The following LYRM4 variants were observed in gnomAD, a reference collection of about 807,000 sequenced individuals.
LYRM4 encodes LYR motif containing 4.
A neutral mutation model predicts 11.7 loss-of-function variants in LYRM4; 9 were observed. That is an observed-to-expected ratio of 0.77 (90% CI 0.46 to 1.34). LYRM4 has a LOEUF of 1.34. Ranked by LOEUF, LYRM4 falls within the 40% of genes most tolerant of loss-of-function variation. LYRM4 has a pLI of 0.00. For synonymous variants in LYRM4, 42 were observed against 40.4 expected (o/e 1.04, Z -0.15); for missense variants, 133 against 112.5 (o/e 1.18, Z -0.82).
intron 2 of LYRM4, among the ~76,000 whole-genome samples, chr6:5,134,325 G>C (rs1764090194): frequency 6.6e-6 from 1 of 152,120 alleles, no homozygotes; most frequent in African/African-American, 2.4e-5. Flanking sequence ...CAAAAGAACT[G>C]ACTTCTTCAG....
chr6:5,256,899 C>G (rs1764703554), intron 1 of LYRM4, among the ~76,000 whole-genome samples: 1 of 152,200 alleles, frequency 6.6e-6, no homozygotes, highest in Non-Finnish European at 1.5e-5. Context: ...CCATTCTAGA[C>G]TCTGCTTGGA....
At chr6:5,159,742 G>A (rs1013326418) in intron 2 of LYRM4, among the ~76,000 whole-genome samples, 4 of 152,106 alleles carry the variant, frequency 2.6e-5, no homozygotes, top group Non-Finnish European at 5.9e-5. Flanking sequence ...CACATTCTGG[G>A]AAGTTTTATG....
Position 5,195,247 on chromosome 6 carries a change from T to G in LYRM4, c.207+21371A>C, listed in dbSNP as rs989353324. On this transcript the variant is annotated intron_variant, in intron 2 of 2. Coordinates refer to ENST00000330636, the MANE Select transcript of LYRM4 (RefSeq NM_020408.6). Reference sequence around the variant, plus strand: ...TTTTAAAGTAAAGCAATGTACATATTGATGTTATTATCATTGGTTGCATTT... The same window carrying G: ...TTTTAAAGTAAAGCAATGTACATATGGATGTTATTATCATTGGTTGCATTT... Among the ~76,000 whole-genome samples the G allele has an allele frequency of 4.6e-5, 7 of 152,168 alleles. 1 individual carries two copies. Among genetic ancestry groups the G allele is most frequent in the Admixed American group, 2.0e-4 (3 of 15,286 alleles).
chr6:5,121,286 T>C (rs1763444450), intron 2 of LYRM4, among the ~76,000 whole-genome samples: 1 of 152,218 alleles, frequency 6.6e-6, no homozygotes, highest in Non-Finnish European at 1.5e-5. Context: ...GCTACACTGC[T>C]AGCTGAAGGC....
chr6:5,102,396 C>T (rs142237875), downstream of LYRM4, among the ~76,000 whole-genome samples: 192 of 152,250 alleles, frequency 1.3e-3, 1 homozygote, highest in African/African-American at 4.5e-3. Flanking sequence ...AAATGAAATG[C>T]TCCTTTAAGA....
chr6:5,172,120 C>T (rs992474473), intron 2 of LYRM4, among the ~76,000 whole-genome samples: 1 of 152,134 alleles, frequency 6.6e-6, no homozygotes, highest in African/African-American at 2.4e-5. Flanking sequence ...TTCAGGAACC[C>T]TTCACCATCC....
intron 2 of LYRM4, among the ~76,000 whole-genome samples, chr6:5,165,565 C>T (rs1759033492): frequency 6.7e-6 from 1 of 149,400 alleles, no homozygotes; most frequent in African/African-American, 2.5e-5. Flanking sequence ...TTTTTTGAGA[C>T]AGAATCTCAC....
intron 1 of LYRM4, among the ~76,000 whole-genome samples, chr6:5,249,581 CA>C (rs983624021): frequency 2.0e-5 from 3 of 152,030 alleles, no homozygotes; most frequent in African/African-American, 7.2e-5. Context: ...CCTATGAAAC[CA>C]CACAGATGAT....
At chr6:5,144,249 C>T (rs1396939444) in intron 2 of LYRM4, 4 of 1,536,954 alleles carry the variant, frequency 2.6e-6, no homozygotes, top group East Asian at 2.4e-5. Context: ...GGCGGCTGTG[C>T]CTTGCTCAGC....
chr6:5,114,761 C>CA (rs971910226), intron 2 of LYRM4, among the ~76,000 whole-genome samples: 48 of 145,968 alleles, frequency 3.3e-4, no homozygotes, highest in Admixed American at 8.2e-4. Context: ...AAAAAAATCG[C>CA]AAAAAAAAAA....
chr6:5,209,258 T>A (rs1384282774), intron 2 of LYRM4, among the ~76,000 whole-genome samples: 2 of 152,106 alleles, frequency 1.3e-5, no homozygotes, highest in African/African-American at 4.8e-5. Flanking sequence ...CAAACCTGGC[T>A]AATTTTTTTT....
chr6:5,169,766 T>C (rs1208388170), intron 2 of LYRM4, among the ~76,000 whole-genome samples: 2 of 152,242 alleles, frequency 1.3e-5, no homozygotes, highest in African/African-American at 4.8e-5. Flanking sequence ...TTTCTCACTA[T>C]TTTGTAAGAT....
the LYRM4 span, among the ~76,000 whole-genome samples, chr6:5,047,312 G>C: frequency 6.6e-6 from 1 of 152,214 alleles, no homozygotes; most frequent in East Asian, 1.9e-4. Flanking sequence ...AGCACTGAAG[G>C]TCCTGCACCC....
chr6:5,177,763 T>A (rs1425621003), intron 2 of LYRM4, among the ~76,000 whole-genome samples: 1 of 152,192 alleles, frequency 6.6e-6, no homozygotes, highest in African/African-American at 2.4e-5. Context: ...GGACAAGTTA[T>A]CACACATAGC....
chr6:5,095,782 C>T, the LYRM4 span, among the ~76,000 whole-genome samples: 1 of 152,090 alleles, frequency 6.6e-6, no homozygotes, highest in Non-Finnish European at 1.5e-5. Context: ...GAGTTCGAAG[C>T]CAGCCTGGCC....
chr6:5,186,585 CA>C, intron 2 of LYRM4: 1 of 977,984 alleles, frequency 1.0e-6, no homozygotes, highest in Non-Finnish European at 1.2e-6. Flanking sequence ...AAAAAATCTA[CA>C]AAAGCACCAG....
intron 2 of LYRM4, among the ~76,000 whole-genome samples, chr6:5,201,244 T>C (rs6934555): frequency 0.04 from 6,142 of 152,170 alleles, 180 homozygotes; most frequent in East Asian, 0.1. Flanking sequence ...TTTAGTTTTC[T>C]TGTCCCCATC....
the LYRM4 span, among the ~76,000 whole-genome samples, chr6:5,068,784 A>T: frequency 7.7e-6 from 1 of 129,478 alleles, no homozygotes; most frequent in Non-Finnish European, 1.7e-5. This position sits in a 1 kb window ranked among gnomAD's most constrained non-coding sequence, Gnocchi z 4.0. Context: ...AAAGTATTTA[A>T]AAAAAAAAGA....
At chr6:5,228,152 G>A (rs79724442) in intron 1 of LYRM4, among the ~76,000 whole-genome samples, 7,457 of 151,966 alleles carry the variant, frequency 0.049, 591 homozygotes, top group African/African-American at 0.16. Context: ...AAAACAAAAC[G>A]AAAAAACACC....
Sources: allele counts gnomAD v4.1 joint callset (sites outside exome capture counted in the v4.1 genomes callset), GRCh38; gene constraint gnomAD v4.1.1; non-coding constraint Gnocchi (gnomAD v3.1); transcripts MANE v1.5; gene names NCBI Gene and HGNC (gene_info 2026-07-23, HGNC 2026-07-21).